The following MAGI1 variants were observed in gnomAD, a reference collection of about 807,000 sequenced individuals.
MAGI1 encodes the protein membrane associated guanylate kinase, WW and PDZ domain containing 1, also known as membrane-associated guanylate kinase, WW and PDZ domain-containing protein 1.
In MAGI1, 58 loss-of-function variants were observed where a neutral mutation model predicts 139.9. That is an observed-to-expected ratio of 0.41 (90% confidence interval 0.34 to 0.52). MAGI1 has a LOEUF of 0.52. MAGI1 is among the 20% of genes least tolerant of loss of function. The pLI, the probability that MAGI1 is intolerant of heterozygous loss-of-function variation, is 0.12. For synonymous variants in MAGI1, 812 were observed against 737.9 expected (o/e 1.10, Z -1.63); for missense variants, 1,874 against 1,901.6 (o/e 0.99, Z 0.27).
At chr3:65,655,642 T>A (rs999383205) in intron 1 of MAGI1, among the ~76,000 whole-genome samples, 1 of 152,188 alleles carries the variant, frequency 6.6e-6, no homozygotes, top group Non-Finnish European at 1.5e-5. Context: ...ATTATTTAAT[T>A]CAGTCCTCAC....
intron 1 of MAGI1, among the ~76,000 whole-genome samples, chr3:65,631,998 C>T (rs1173112708): frequency 2.7e-5 from 4 of 148,518 alleles, no homozygotes; most frequent in East Asian, 2.0e-4. Flanking sequence ...GCACTCCAGC[C>T]GGGGCAACAG....
intron 2 of MAGI1, among the ~76,000 whole-genome samples, chr3:65,587,754 T>A (rs2081760926): frequency 6.6e-6 from 1 of 152,132 alleles, no homozygotes; most frequent in South Asian, 2.1e-4. Flanking sequence ...AGTGCTAAGA[T>A]TACAGACGTG....
intron 1 of MAGI1, among the ~76,000 whole-genome samples, chr3:65,774,876 T>C (rs1235868109): frequency 6.6e-6 from 1 of 152,170 alleles, no homozygotes; most frequent in East Asian, 1.9e-4. Context: ...TCTTCACTAT[T>C]GATAGCTACA....
intron 1 of MAGI1, among the ~76,000 whole-genome samples, chr3:65,645,626 C>T (rs1200996359): frequency 1.3e-5 from 2 of 152,080 alleles, no homozygotes; most frequent in African/African-American, 4.8e-5. Flanking sequence ...AGTAAAAGTA[C>T]AAGCAAATAC....
intron 1 of MAGI1, among the ~76,000 whole-genome samples, chr3:65,656,060 C>T (rs1169651295): frequency 1.3e-5 from 2 of 152,142 alleles, no homozygotes; most frequent in African/African-American, 4.8e-5. Context: ...GGCCTCCTCA[C>T]TAACCATTCT....
intron 2 of MAGI1, among the ~76,000 whole-genome samples, chr3:65,525,707 GAACAA>G (rs1559637515): frequency 6.6e-6 from 1 of 152,130 alleles, no homozygotes; most frequent in African/African-American, 2.4e-5. Flanking sequence ...AAAAACAAAA[GAACAA>G]AACAACTTAC....
intron 1 of MAGI1, among the ~76,000 whole-genome samples, chr3:65,748,319 A>C (rs573586899): frequency 8.5e-5 from 13 of 152,302 alleles, no homozygotes; most frequent in African/African-American, 2.9e-4. Context: ...CTTGTGTGTC[A>C]AGTAGAACAC....
intron 2 of MAGI1, among the ~76,000 whole-genome samples, chr3:65,569,004 T>G (rs778022658): frequency 6.6e-6 from 1 of 152,214 alleles, no homozygotes; most frequent in African/African-American, 2.4e-5. Flanking sequence ...GCTCACACAG[T>G]ACTTTAAATT....
intron 2 of MAGI1, among the ~76,000 whole-genome samples, chr3:65,587,914 CA>C (rs2081769154): frequency 1.3e-5 from 2 of 152,158 alleles, no homozygotes; most frequent in Non-Finnish European, 2.9e-5. Flanking sequence ...AGTAATTCTA[CA>C]AAATGTATGG....
chr3:65,830,319 G>C (rs2042454694), intron 1 of MAGI1, among the ~76,000 whole-genome samples: 1 of 150,872 alleles, frequency 6.6e-6, no homozygotes, highest in South Asian at 2.1e-4. Context: ...CTTATAAAAG[G>C]AGAGAGAGAA....
At chr3:65,906,178 A>G (rs1010835319) in intron 1 of MAGI1, among the ~76,000 whole-genome samples, 1 of 152,212 alleles carries the variant, frequency 6.6e-6, no homozygotes, top group African/African-American at 2.4e-5. Flanking sequence ...AAAAGAATAT[A>G]TTACTCGAAA....
At chr3:65,992,687 A>AC (rs1156701348) in intron 1 of MAGI1, among the ~76,000 whole-genome samples, 3 of 152,206 alleles carry the variant, frequency 2.0e-5, no homozygotes, top group African/African-American at 7.2e-5. Context: ...TGGCACATGG[A>AC]CCATATTTTG....
chr3:65,984,512 A>ATGTGTGTGTGTGTGTGTGTGTGTGTGTG (rs34046056), intron 1 of MAGI1, among the ~76,000 whole-genome samples: 1 of 140,392 alleles, frequency 7.1e-6, no homozygotes, highest in Non-Finnish European at 1.5e-5. Flanking sequence ...TCAAAATAAA[A>ATGTGTGTGTGTGTGTGTGTGTGTGTGTG]TGTGTGTGTG....
chr3:65,626,918 G>C (rs543239605), intron 1 of MAGI1, among the ~76,000 whole-genome samples: 343 of 152,248 alleles, frequency 2.3e-3, no homozygotes, highest in Non-Finnish European at 4.0e-3. Context: ...TAATTGTCAA[G>C]GGCAGTGAGC....
chr3:65,615,851 T>C (rs2083342029), intron 2 of MAGI1, among the ~76,000 whole-genome samples: 1 of 152,214 alleles, frequency 6.6e-6, no homozygotes, highest in African/African-American at 2.4e-5. Flanking sequence ...GCTCACCTTA[T>C]ACATGGTGAA....
At chr3:65,729,066 T>C (rs988277320) in intron 1 of MAGI1, among the ~76,000 whole-genome samples, 1 of 128,448 alleles carries the variant, frequency 7.8e-6, no homozygotes, top group Admixed American at 1.0e-4. Flanking sequence ...GTGTTCTGCA[T>C]TATCCAATAA....
chr3:65,822,965 C>T (rs2042028788), intron 1 of MAGI1, among the ~76,000 whole-genome samples: 1 of 152,092 alleles, frequency 6.6e-6, no homozygotes, highest in South Asian at 2.1e-4. Flanking sequence ...AACCATATCA[C>T]CAACCAAATA....
chr3:65,991,832 T>C (rs1486493665), intron 1 of MAGI1, among the ~76,000 whole-genome samples: 2 of 151,940 alleles, frequency 1.3e-5, no homozygotes, highest in African/African-American at 2.4e-5. Context: ...CTGGCCAACA[T>C]GGTGAAACCC....
chr3:65,527,791 T>C (rs999211775), intron 2 of MAGI1, among the ~76,000 whole-genome samples: 3 of 151,634 alleles, frequency 2.0e-5, no homozygotes, highest in South Asian at 2.1e-4. Context: ...GGTGCATGCC[T>C]GCAATCCCAA....
Sources: allele counts gnomAD v4.1 joint callset (sites outside exome capture counted in the v4.1 genomes callset), GRCh38; gene constraint gnomAD v4.1.1; transcripts MANE v1.5; gene names NCBI Gene and HGNC (gene_info 2026-07-23, HGNC 2026-07-21).